The following SLC24A2 variants were observed in gnomAD, a reference collection of about 807,000 sequenced individuals.
SLC24A2 encodes the protein sodium/potassium/calcium exchanger 2.
A neutral mutation model predicts 62.0 loss-of-function variants in SLC24A2; 36 were observed. The ratio of observed to expected loss-of-function variants is 0.58; its 90% CI spans 0.44 to 0.77. SLC24A2 has a LOEUF of 0.77. Among genes scored for constraint, SLC24A2 ranks in the 30% least tolerant of loss-of-function variants. SLC24A2 has a pLI of 0.00. For missense variants in SLC24A2, 846 were observed against 817.9 expected, an observed-to-expected ratio of 1.03 and a Z score of -0.42; for synonymous variants, 358 against 294.0, an observed-to-expected ratio of 1.22 and a Z score of -2.23.
Position 19,686,987 on chromosome 9 carries a change from A to G in SLC24A2, c.931-64688T>C, listed in dbSNP as rs145513826. ...ATGAGATAATGTCCTTTGCAGCAAC[A>G]TAGATGGAGCTGGAGACCATAATCC... On this transcript the variant is annotated intron_variant, in intron 2 of 10. Coordinates refer to ENST00000341998, the MANE Select transcript of SLC24A2 (RefSeq NM_020344.4). Among the ~76,000 whole-genome samples the G allele has an allele frequency of 3.4e-3, 521 of 152,294 alleles. 3 individuals carry two copies. The highest frequency in any genetic ancestry group is 5.3e-3 in the Admixed American group (81 of 15,284).
At chr9:20,023,447 A>G in the SLC24A2 span, among the ~76,000 whole-genome samples, 1 of 152,206 alleles carries the variant, frequency 6.6e-6, no homozygotes, top group African/African-American at 2.4e-5. Context: ...CTGGGTAGCA[A>G]TTATTGCTTT....
At chr9:19,989,829 C>T in the SLC24A2 span, among the ~76,000 whole-genome samples, 1 of 152,170 alleles carries the variant, frequency 6.6e-6, no homozygotes. Context: ...TAAGTTCTTT[C>T]AAGCTGCATA....
chr9:19,629,147 T>A (rs2117969166), intron 2 of SLC24A2, among the ~76,000 whole-genome samples: 1 of 152,176 alleles, frequency 6.6e-6, no homozygotes, highest in South Asian at 2.1e-4. Context: ...GTTGGACAAT[T>A]TTTCCAAGGC....
At chr9:19,984,903 T>G in the SLC24A2 span, among the ~76,000 whole-genome samples, 41 of 152,204 alleles carry the variant, frequency 2.7e-4, no homozygotes, top group African/African-American at 9.1e-4. Flanking sequence ...GAGGAGTATA[T>G]GGGAACTTGT....
At chr9:19,578,819 A>T (rs966849379) in intron 5 of SLC24A2, among the ~76,000 whole-genome samples, 16 of 152,176 alleles carry the variant, frequency 1.1e-4, no homozygotes, top group Non-Finnish European at 1.8e-4. Flanking sequence ...GGTGAAAATG[A>T]CACGAGCTGT....
At chr9:20,163,069 AG>A in the SLC24A2 span, among the ~76,000 whole-genome samples, 1 of 152,174 alleles carries the variant, frequency 6.6e-6, no homozygotes, top group Admixed American at 6.5e-5. Context: ...GAAAACTGGC[AG>A]AAGACAGGGA....
chr9:19,565,951 T>C (rs1366213705), intron 7 of SLC24A2, among the ~76,000 whole-genome samples: 2 of 151,020 alleles, frequency 1.3e-5, no homozygotes, highest in Non-Finnish European at 2.9e-5. Flanking sequence ...TTACACCTTA[T>C]ACAAAAATTA....
chr9:20,051,867 C>T, the SLC24A2 span, among the ~76,000 whole-genome samples: 1 of 151,950 alleles, frequency 6.6e-6, no homozygotes, highest in African/African-American at 2.4e-5. Context: ...CCCCTAATGT[C>T]ACTGTCAATG....
chr9:19,636,314 C>CTTTTCT lies in SLC24A2; in HGVS notation c.931-14021_931-14016dup, dbSNP rs1818325613. On this transcript the variant is annotated intron_variant, in intron 2 of 10. Coordinates refer to ENST00000341998, the MANE Select transcript of SLC24A2 (RefSeq NM_020344.4). ...CTTTTCTTTTCTTTTCTTTTCTTTT[C>CTTTTCT]TTTTCTTTCTTTCTTTCTTTCTTTC... Among the ~76,000 whole-genome samples, 3 of 21,258 alleles carry CTTTTCT rather than the reference C, an allele frequency of 1.4e-4. 1 individual carries two copies. In the South Asian group the frequency reaches 6.4e-3, roughly 45 times the overall value. The allele number at this position is 21,258 out of a possible 152,430, so 13.9% of individuals were successfully genotyped here.
chr9:20,184,109 C>G, the SLC24A2 span, among the ~76,000 whole-genome samples: 1 of 152,122 alleles, frequency 6.6e-6, no homozygotes, highest in African/African-American at 2.4e-5. Flanking sequence ...GGGCAAAGAA[C>G]CTGAATAGAC....
At chr9:20,032,146 C>A in the SLC24A2 span, among the ~76,000 whole-genome samples, 4 of 152,130 alleles carry the variant, frequency 2.6e-5, no homozygotes, top group African/African-American at 9.7e-5. Context: ...GTTTTTGTTA[C>A]CCTGGACCTT....
At chr9:19,590,868 C>A (rs1388952533) in intron 5 of SLC24A2, among the ~76,000 whole-genome samples, 1 of 152,206 alleles carries the variant, frequency 6.6e-6, no homozygotes, top group Non-Finnish European at 1.5e-5. Flanking sequence ...CTGTCCACCA[C>A]TCACTTTTCT....
At chr9:19,753,702 G>C (rs1332716007) in intron 2 of SLC24A2, among the ~76,000 whole-genome samples, 2 of 152,064 alleles carry the variant, frequency 1.3e-5, no homozygotes, top group African/African-American at 2.4e-5. Context: ...CACCTCTTTA[G>C]AATAAGTTAT....
intron 7 of SLC24A2, among the ~76,000 whole-genome samples, chr9:19,553,025 C>G (rs891093589): frequency 1.3e-5 from 2 of 152,198 alleles, no homozygotes; most frequent in African/African-American, 2.4e-5. Context: ...ATGGAAACTT[C>G]ACAGCCTCCT....
At chr9:19,861,411 C>A in the SLC24A2 span, among the ~76,000 whole-genome samples, 7 of 152,186 alleles carry the variant, frequency 4.6e-5, no homozygotes, top group African/African-American at 1.2e-4. Context: ...TCAGATACAG[C>A]TTACATCCTA....
chr9:19,927,879 CCAA>C, the SLC24A2 span: 1 of 152,412 alleles, frequency 6.6e-6, no homozygotes, highest in East Asian at 1.9e-4. Flanking sequence ...CCAAACCAAA[CCAA>C]AGCTCCCTCC....
At chr9:20,117,226 C>T in the SLC24A2 span, among the ~76,000 whole-genome samples, 4 of 152,204 alleles carry the variant, frequency 2.6e-5, no homozygotes, top group East Asian at 7.7e-4. Flanking sequence ...TATGACTTCT[C>T]GAAAAATTCC....
intron 7 of SLC24A2, among the ~76,000 whole-genome samples, chr9:19,566,554 C>T (rs185073066): frequency 0.11 from 16,599 of 151,658 alleles, 937 homozygotes; most frequent in African/African-American, 0.14. Context: ...GACAGTGTGG[C>T]GATTCCTCAA....
chr9:19,573,603 C>T (rs781055600), intron 6 of SLC24A2, 134 bp from the exon 7 acceptor site: 7 of 778,904 alleles, frequency 9.0e-6, no homozygotes, highest in Non-Finnish European at 1.6e-5. Context: ...AAAGAGTTTC[C>T]TAAAATGTTG....
Sources: allele counts gnomAD v4.1 joint callset (sites outside exome capture counted in the v4.1 genomes callset), GRCh38; gene constraint gnomAD v4.1.1; transcripts MANE v1.5; gene names NCBI Gene and HGNC (gene_info 2026-07-23, HGNC 2026-07-21).